The following UBE2N variants were observed in gnomAD, a reference collection of about 807,000 sequenced individuals.
UBE2N encodes ubiquitin conjugating enzyme E2 N.
For missense variants in UBE2N, 60 were observed against 192.1 expected (o/e 0.31, Z 4.07); for synonymous variants, 70 against 69.2 (o/e 1.01, Z -0.06).
intron 1 of UBE2N, among the ~76,000 whole-genome samples, chr12:93,412,945 G>C (rs1779023906): frequency 6.6e-6 from 1 of 152,164 alleles, no homozygotes; most frequent in African/African-American, 2.4e-5. Flanking sequence ...TGTTTGCACA[G>C]GTCTTCGAAT....
intron 1 of UBE2N, among the ~76,000 whole-genome samples, chr12:93,426,913 T>C (rs547549102): frequency 6.6e-6 from 1 of 152,114 alleles, no homozygotes; most frequent in Non-Finnish European, 1.5e-5. Flanking sequence ...AGTGTTAGTG[T>C]ATTTTATGTG....
rs1877979097 is a variant in UBE2N, at chr12:93,409,727, A to C, written c.*312T>G. ...CACCCACACCCCTGCAGCTAACCTG[A>C]CAACTACCTTCATTCACAGTGCTTT... On this transcript the variant is annotated 3_prime_UTR_variant, in exon 4 of 4. Coordinates refer to ENST00000318066, the MANE Select transcript of UBE2N (RefSeq NM_003348.4). 1 of 264,740 alleles carries C rather than the reference A, an allele frequency of 3.8e-6. No individual in the cohort carries two copies. The highest frequency in any genetic ancestry group is 5.6e-5 in the Admixed American group (1 of 17,788). 16.4% of individuals were successfully genotyped at this position (264,740 alleles called of 1,614,324 possible).
At chr12:93,412,984 T>G (rs949744051) in intron 1 of UBE2N, among the ~76,000 whole-genome samples, 3 of 152,236 alleles carry the variant, frequency 2.0e-5, no homozygotes, top group Non-Finnish European at 4.4e-5. Flanking sequence ...AAGTTACTAT[T>G]TATTCCTAAT....
At chr12:93,422,369 T>C (rs1804745197) in intron 1 of UBE2N, among the ~76,000 whole-genome samples, 1 of 152,230 alleles carries the variant, frequency 6.6e-6, no homozygotes, top group African/African-American at 2.4e-5. Context: ...TAGCTGTCTA[T>C]CTTAATGAAC....
chr12:93,422,439 A>T (rs1484218440), intron 1 of UBE2N, among the ~76,000 whole-genome samples: 1 of 152,212 alleles, frequency 6.6e-6, no homozygotes, highest in African/African-American at 2.4e-5. Flanking sequence ...AAAAGAAAGG[A>T]CCTAGCTTAG....
At chr12:93,413,883 C>T (rs1031902930) in intron 1 of UBE2N, among the ~76,000 whole-genome samples, 1 of 152,200 alleles carries the variant, frequency 6.6e-6, no homozygotes, top group African/African-American at 2.4e-5. Flanking sequence ...AGTCCTGAGC[C>T]GGGTGCGGTG....
At chr12:93,429,564 A>T (rs1399738716) in intron 1 of UBE2N, among the ~76,000 whole-genome samples, 3 of 86,324 alleles carry the variant, frequency 3.5e-5, no homozygotes, top group African/African-American at 1.5e-4. Context: ...TCTGCTTGTT[A>T]AAAAAAAAAA....
chr12:93,422,818 T>C (rs143671831), intron 1 of UBE2N, among the ~76,000 whole-genome samples: 5 of 152,334 alleles, frequency 3.3e-5, no homozygotes, highest in African/African-American at 9.6e-5. Flanking sequence ...ATGTTAACTA[T>C]TAAACAATGT....
chr12:93,432,905 CAAG>C (rs1348523058), intron 1 of UBE2N, among the ~76,000 whole-genome samples: 1 of 147,264 alleles, frequency 6.8e-6, no homozygotes, highest in African/African-American at 2.5e-5. Flanking sequence ...CCTAAGTACT[CAAG>C]AAATTTTAGA....
intron 1 of UBE2N, among the ~76,000 whole-genome samples, chr12:93,427,755 C>T (rs1182597308): frequency 6.6e-6 from 1 of 151,964 alleles, no homozygotes; most frequent in Non-Finnish European, 1.5e-5. Flanking sequence ...GAGAATTATA[C>T]CTCAAAAAAA....
intron 1 of UBE2N, among the ~76,000 whole-genome samples, chr12:93,437,516 G>A (rs1878969082): frequency 6.6e-6 from 1 of 152,148 alleles, no homozygotes; most frequent in Non-Finnish European, 1.5e-5. Flanking sequence ...AGTGGTTGAA[G>A]TCGGGTGCAG....
chr12:93,410,422 A>G (rs563965), intron 3 of UBE2N: 1 of 507,152 alleles, frequency 2.0e-6, no homozygotes, highest in Non-Finnish European at 3.4e-6. Context: ...CTTTAATCAA[A>G]TGGGTTACAA....
chr12:93,425,665 T>G (rs908293995), intron 1 of UBE2N, among the ~76,000 whole-genome samples: 1 of 152,066 alleles, frequency 6.6e-6, no homozygotes, highest in Admixed American at 6.5e-5. Context: ...CCAAAAATAG[T>G]AGGCCTAGCC....
At chr12:93,415,136 G>A (rs1878166686) in intron 1 of UBE2N, among the ~76,000 whole-genome samples, 1 of 151,468 alleles carries the variant, frequency 6.6e-6, no homozygotes, top group Non-Finnish European at 1.5e-5. Flanking sequence ...TTTTTAACCA[G>A]AAAAATGTTC....
At chr12:93,410,146 AAT>A in intron 3 of UBE2N, 67 bp from the exon 4 acceptor site, 2 of 1,448,804 alleles carry the variant, frequency 1.4e-6, no homozygotes, top group Non-Finnish European at 1.9e-6. Context: ...CCAAACTATA[AAT>A]GGCAAACAAC....
At chr12:93,439,408 G>A (rs1054782980) in intron 1 of UBE2N, among the ~76,000 whole-genome samples, 3 of 152,224 alleles carry the variant, frequency 2.0e-5, no homozygotes, top group African/African-American at 7.2e-5. Flanking sequence ...AAGACCAGGA[G>A]ATCAAGGCTG....
intron 1 of UBE2N, among the ~76,000 whole-genome samples, chr12:93,439,791 C>T (rs1879045353): frequency 1.3e-5 from 2 of 152,098 alleles, no homozygotes; most frequent in Admixed American, 1.3e-4. Context: ...ATAAATGACA[C>T]TAAACTAGTA....
intron 1 of UBE2N, among the ~76,000 whole-genome samples, chr12:93,427,954 C>T (rs1055533521): frequency 2.0e-5 from 3 of 152,130 alleles, no homozygotes; most frequent in South Asian, 2.1e-4. Context: ...CTTGCTCTGT[C>T]GCCCAGGCTA....
chr12:93,429,026 C>T (rs151127840), intron 1 of UBE2N, among the ~76,000 whole-genome samples: 12,419 of 152,116 alleles, frequency 0.082, 1,600 homozygotes, highest in African/African-American at 0.28. Flanking sequence ...AATCCCAGCA[C>T]TTTTGGAGGC....
Sources: allele counts gnomAD v4.1 joint callset (sites outside exome capture counted in the v4.1 genomes callset), GRCh38; gene constraint gnomAD v4.1.1; transcripts MANE v1.5; gene names NCBI Gene and HGNC (gene_info 2026-07-23, HGNC 2026-07-21).